Variants in PCDH9 observed in about 807,000 individuals in gnomAD.
The protein encoded by PCDH9 is protocadherin 9.
A neutral mutation model predicts 70.6 loss-of-function variants in PCDH9; 24 were observed. The ratio of observed to expected loss-of-function variants is 0.34; its 90% CI spans 0.25 to 0.48. The LOEUF is 0.48. Among genes scored for constraint, PCDH9 ranks in the 20% least tolerant of loss-of-function variants. The pLI is 0.99. For missense variants in PCDH9, 1,281 were observed against 1,503.6 expected (o/e 0.85, Z 2.45); for synonymous variants, 562 against 558.5 (o/e 1.01, Z -0.09).
intron 4 of PCDH9, among the ~76,000 whole-genome samples, chr13:66,611,547 T>A (rs1474385930): frequency 6.6e-6 from 1 of 152,170 alleles, no homozygotes; most frequent in Non-Finnish European, 1.5e-5. Flanking sequence ...TATGTCACTC[T>A]GCAAACAACT....
At chr13:66,620,568 T>A (rs1041408346) in intron 4 of PCDH9, among the ~76,000 whole-genome samples, 2 of 152,204 alleles carry the variant, frequency 1.3e-5, no homozygotes, top group African/African-American at 4.8e-5. Context: ...CTATAGAATC[T>A]TTATTGATTC....
At chr13:67,108,882 A>G (rs965033158) in intron 2 of PCDH9, among the ~76,000 whole-genome samples, 1 of 152,194 alleles carries the variant, frequency 6.6e-6, no homozygotes, top group African/African-American at 2.4e-5. Flanking sequence ...ATATGGGCCC[A>G]TAGAGCAAAA....
intron 2 of PCDH9, among the ~76,000 whole-genome samples, chr13:66,973,782 G>C (rs1290445157): frequency 6.6e-6 from 1 of 151,910 alleles, no homozygotes; most frequent in African/African-American, 2.4e-5. Context: ...GATCATGTTA[G>C]TTTTTAAAAG....
At chr13:67,075,790 T>C (rs1176125856) in intron 2 of PCDH9, among the ~76,000 whole-genome samples, 1 of 152,074 alleles carries the variant, frequency 6.6e-6, no homozygotes, top group Non-Finnish European at 1.5e-5. Flanking sequence ...GTTTATTCAA[T>C]AATTAAGAAA....
intron 3 of PCDH9, among the ~76,000 whole-genome samples, chr13:66,898,258 A>C (rs956807635): frequency 6.6e-6 from 1 of 152,040 alleles, no homozygotes; most frequent in African/African-American, 2.4e-5. Context: ...ATATGTATGC[A>C]TGTATTTAAG....
intron 3 of PCDH9, among the ~76,000 whole-genome samples, chr13:66,895,005 A>C (rs2082153601): frequency 6.6e-6 from 1 of 151,980 alleles, no homozygotes; most frequent in Admixed American, 6.6e-5. Flanking sequence ...ACAGGGTTTC[A>C]CCATGTTGGC....
chr13:67,138,541 C>T (rs2087291874), intron 2 of PCDH9, among the ~76,000 whole-genome samples: 1 of 152,106 alleles, frequency 6.6e-6, no homozygotes, highest in Non-Finnish European at 1.5e-5. Flanking sequence ...GCCAAGTGAA[C>T]GACTTTGTGA....
At chr13:66,576,655 C>T (rs909786559) in intron 4 of PCDH9, among the ~76,000 whole-genome samples, 5 of 152,024 alleles carry the variant, frequency 3.3e-5, no homozygotes, top group African/African-American at 1.2e-4. Flanking sequence ...AATAGGGGAA[C>T]TTAAGCTATT....
chr13:66,616,706 G>C (rs1031045671), intron 4 of PCDH9, among the ~76,000 whole-genome samples: 27 of 151,926 alleles, frequency 1.8e-4, no homozygotes, highest in African/African-American at 6.0e-4. Flanking sequence ...CAGGACCAAG[G>C]AAGCTAACCA....
chr13:66,823,509 G>A (rs2080753305), intron 3 of PCDH9, among the ~76,000 whole-genome samples: 1 of 151,920 alleles, frequency 6.6e-6, no homozygotes, highest in Non-Finnish European at 1.5e-5. Context: ...TATATATCAT[G>A]AACATGCAGG....
intron 3 of PCDH9, among the ~76,000 whole-genome samples, chr13:66,857,598 C>G (rs936364037): frequency 6.6e-6 from 1 of 152,024 alleles, no homozygotes; most frequent in African/African-American, 2.4e-5. Context: ...TATTGATACC[C>G]TAATATAAAG....
rs147929458 is a variant in PCDH9 at position 66,633,703 on chromosome 13, G to A, written c.3139-2292C>T. Reference sequence around the variant, plus strand: ...TTAAGAGAAAAGCAATGAAACAAATGATTCTTGAATCTTCGTAAAGCATTT... The same window carrying A: ...TTAAGAGAAAAGCAATGAAACAAATAATTCTTGAATCTTCGTAAAGCATTT... On this transcript the variant is annotated intron_variant, in intron 3 of 4. Coordinates refer to ENST00000377865, the MANE Select transcript of PCDH9 (RefSeq NM_203487.3). 4.2e-3 allele frequency among the ~76,000 whole-genome samples: 635 copies of A among 152,238 alleles called. 20 individuals carry two copies. In the East Asian group the frequency reaches 0.081, roughly 19 times the overall value.
At chr13:67,151,465 C>T (rs572949013) in intron 2 of PCDH9, among the ~76,000 whole-genome samples, 39 of 152,150 alleles carry the variant, frequency 2.6e-4, no homozygotes, top group Admixed American at 6.5e-4. Flanking sequence ...TTGGGTTCTA[C>T]TGGTAAACTC....
intron 4 of PCDH9, among the ~76,000 whole-genome samples, chr13:66,309,463 A>T (rs1955525540): frequency 6.6e-6 from 1 of 151,976 alleles, no homozygotes; most frequent in African/African-American, 2.4e-5. Context: ...AGAAGTACTG[A>T]CTGAGTTTTT....
chr13:67,108,471 T>C (rs1010398610), intron 2 of PCDH9, among the ~76,000 whole-genome samples: 6 of 152,182 alleles, frequency 3.9e-5, no homozygotes, highest in African/African-American at 1.4e-4. Context: ...AAAAAACTCA[T>C]GACAAAGCAA....
rs2087536019 is a variant in PCDH9 at position 67,146,875 on chromosome 13, G to GT, written c.3036+78529dup. Among the ~76,000 whole-genome samples, 5 of 152,208 alleles carry GT rather than the reference G, an allele frequency of 3.3e-5. No homozygotes were observed. In the South Asian group the frequency reaches 1.0e-3, roughly 32 times the overall value. ...ACATTTTCGTAAAGTAAATATTGAA[G>GT]TTTTCTTCCTCCTTTTCTCTCTTTT... On this transcript the variant is annotated intron_variant, in intron 2 of 4. Transcript: ENST00000377865.
intron 2 of PCDH9, among the ~76,000 whole-genome samples, chr13:67,056,239 TA>T (rs1361818539): frequency 6.6e-6 from 1 of 152,210 alleles, no homozygotes; most frequent in Non-Finnish European, 1.5e-5. Context: ...GTTTGGCACT[TA>T]AAAAACAGCA....
chr13:66,403,569 C>T lies in PCDH9; in HGVS notation c.3341-98541G>A, dbSNP rs535806273. 3.9e-5 allele frequency among the ~76,000 whole-genome samples: 6 copies of T among 152,086 alleles called. No homozygotes were observed. In the South Asian group the frequency reaches 1.2e-3, roughly 32 times the overall value. Reference sequence around the variant, plus strand: ...GTCTTCTATTTTATTCTTGGGAGCTCCTTATACACCTACAAAATACTGAAG... The same window carrying T: ...GTCTTCTATTTTATTCTTGGGAGCTTCTTATACACCTACAAAATACTGAAG... On this transcript the variant is annotated intron_variant, in intron 4 of 4. Transcript: ENST00000377865.
At chr13:66,763,492 ATATTTTATACCTG>A (rs2079660334) in intron 3 of PCDH9, among the ~76,000 whole-genome samples, 1 of 152,108 alleles carries the variant, frequency 6.6e-6, no homozygotes, top group South Asian at 2.1e-4. Flanking sequence ...ATACAGCCAA[ATATTTTATACCTG>A]TAACCACTAC....
Sources: gnomAD v4.1 joint callset for allele counts (sites outside exome capture counted in the v4.1 genomes callset) on GRCh38, gnomAD v4.1.1 for gene constraint, MANE v1.5 for transcripts, NCBI Gene and HGNC (gene_info 2026-07-23, HGNC 2026-07-21) for gene names.